TMX4: variants seen among roughly 807,000 people sequenced by gnomAD.
TMX4 encodes the protein thioredoxin related transmembrane protein 4, also known as thioredoxin-related transmembrane protein 4.
In TMX4, 23 loss-of-function variants were observed where a neutral mutation model predicts 33.3. The ratio of observed to expected loss-of-function variants is 0.69; its 90% CI spans 0.50 to 0.98. TMX4 has a LOEUF of 0.98. TMX4 is among the 50% of genes least tolerant of loss of function. TMX4 has a pLI of 0.00. For synonymous variants in TMX4, 164 were observed against 161.5 expected (o/e 1.02, Z -0.12); for missense variants, 399 against 448.9 (o/e 0.89, Z 1.01).
rs2050600783 is a variant in TMX4, at chr20:7,980,541, G to GC, written c.*1709dup. On this transcript the variant is annotated 3_prime_UTR_variant, in exon 8 of 8. Transcript: ENST00000246024. ...CAGTGACTAAGGGGGCAGGAAACAG[G>GC]CAGGCACATGGCAAGGTTCTCCCAG... The GC allele has an allele frequency of 6.6e-6, 1 of 152,388 alleles. No homozygotes were observed. Among genetic ancestry groups the GC allele is most frequent in the Non-Finnish European group, 1.5e-5 (1 of 68,236 alleles). The allele number at this position is 152,388 out of a possible 1,614,324, so 9.4% of individuals were successfully genotyped here. A position where few individuals can be genotyped will look rare whatever the true frequency, so the allele number is the denominator to read the frequency against.
At chr20:8,003,343 GT>G (rs1410231693) in intron 2 of TMX4, among the ~76,000 whole-genome samples, 5 of 151,884 alleles carry the variant, frequency 3.3e-5, no homozygotes, top group Admixed American at 1.3e-4. Context: ...ACCTCTTAAA[GT>G]TTTTTACTTA....
At position 7,981,918 on chromosome 20, in the gene TMX4, G is replaced by A. The variant is rs1270283722; in HGVS notation, c.*333C>T. The A allele has an allele frequency of 9.3e-6, 2 of 214,238 alleles. No homozygotes were observed. The highest frequency in any genetic ancestry group is 1.8e-5 in the Non-Finnish European group (2 of 108,316). 13.3% of individuals were successfully genotyped at this position (214,238 alleles called of 1,614,324 possible). A position where few individuals can be genotyped will look rare whatever the true frequency, so the allele number is the denominator to read the frequency against. On this transcript the variant is annotated 3_prime_UTR_variant, in exon 8 of 8. Coordinates refer to ENST00000246024, the MANE Select transcript of TMX4 (RefSeq NM_021156.4). ...TCCTGCTTGGCTTTCATTTCACAGG[G>A]CCTGCAGCCTTGTCTCTGGAAGGTG...
intron 1 of TMX4, among the ~76,000 whole-genome samples, chr20:8,016,911 T>G (rs181816250): frequency 1.3e-5 from 2 of 152,328 alleles, no homozygotes; most frequent in Admixed American, 6.5e-5. Context: ...TTTCCATTTA[T>G]GTATGACCAG....
At chr20:8,009,777 T>C (rs1448580159) in intron 2 of TMX4, among the ~76,000 whole-genome samples, 1 of 149,020 alleles carries the variant, frequency 6.7e-6, no homozygotes, top group African/African-American at 2.5e-5. Flanking sequence ...AAATGAGGGA[T>C]AATTGTTGAT....
intron 4 of TMX4, 130 bp downstream of exon 4, chr20:7,999,602 A>C: frequency 2.9e-6 from 3 of 1,029,494 alleles, no homozygotes; most frequent in Non-Finnish European, 4.1e-6. Context: ...TGGGCTAAGC[A>C]TGGCCATGAG....
chr20:8,018,980 G>T, intron 1 of TMX4: 1 of 444,788 alleles, frequency 2.2e-6, no homozygotes, highest in South Asian at 1.6e-5. Context: ...CCTGTGCTAC[G>T]TATTCATACT....
intron 1 of TMX4, among the ~76,000 whole-genome samples, chr20:8,013,518 C>A (rs1270216855): frequency 6.6e-6 from 1 of 152,128 alleles, no homozygotes; most frequent in Non-Finnish European, 1.5e-5. Flanking sequence ...TGTTTTTAAC[C>A]ATTTCTGGGA....
chr20:8,009,055 C>T (rs1322058925), intron 2 of TMX4, among the ~76,000 whole-genome samples: 7 of 152,118 alleles, frequency 4.6e-5, no homozygotes, highest in Non-Finnish European at 8.8e-5. Context: ...CTATACCCAT[C>T]TTCTTTTTGC....
chr20:7,977,359 C>T lies in TMX4; in HGVS notation c.*4892G>A, dbSNP rs1484849439. 2 of 152,088 alleles carry T rather than the reference C, an allele frequency of 1.3e-5. No individual in the cohort carries two copies. Among genetic ancestry groups the T allele is most frequent in the Non-Finnish European group, 2.9e-5 (2 of 68,026 alleles). The allele number at this position is 152,088 out of a possible 1,614,324, so 9.4% of individuals were successfully genotyped here. On this transcript the variant is annotated 3_prime_UTR_variant, in exon 8 of 8. Coordinates refer to ENST00000246024, the MANE Select transcript of TMX4 (RefSeq NM_021156.4). ...GAACAGACTAGATGGAGGATGGACA[C>T]GAAGGAAAATTTTTTTTAACAAATT...
intron 4 of TMX4, among the ~76,000 whole-genome samples, chr20:7,999,241 AC>A (rs1474899427): frequency 6.6e-6 from 1 of 152,180 alleles, no homozygotes; most frequent in Non-Finnish European, 1.5e-5. Flanking sequence ...AATCTACCTC[AC>A]CAAGTATTAT....
intron 2 of TMX4, among the ~76,000 whole-genome samples, chr20:8,003,620 A>G (rs896468611): frequency 5.3e-5 from 8 of 152,172 alleles, no homozygotes; most frequent in Non-Finnish European, 7.4e-5. Flanking sequence ...TATCTTTACA[A>G]ATAAATGTAC....
intron 5 of TMX4, among the ~76,000 whole-genome samples, 186 bp downstream of exon 5, chr20:7,995,840 T>G (rs1477435448): frequency 1.3e-5 from 2 of 151,944 alleles, no homozygotes; most frequent in African/African-American, 4.8e-5. Context: ...AGGTTACTGT[T>G]CAGATTATGC....
rs1176858332 is a variant in TMX4, at chr20:7,979,305, A to T, written c.*2946T>A. The T allele has an allele frequency of 1.3e-5, 2 of 152,148 alleles. No individual in the cohort carries two copies. The highest frequency in any genetic ancestry group is 1.5e-5 in the Non-Finnish European group (1 of 68,030). 9.4% of individuals were successfully genotyped at this position (152,148 alleles called of 1,614,324 possible). Reference sequence around the variant, plus strand: ...TTAAATTAAATTTTGTTGGAAAAAAACCCATCTTTGCCATGATGTTAAAAA... The same window carrying T: ...TTAAATTAAATTTTGTTGGAAAAAATCCCATCTTTGCCATGATGTTAAAAA... On this transcript the variant is annotated 3_prime_UTR_variant, in exon 8 of 8. Transcript: ENST00000246024.
At chr20:7,985,277 A>ATATATATATAT (rs1436534553) in intron 6 of TMX4, among the ~76,000 whole-genome samples, 1 of 110,542 alleles carries the variant, frequency 9.0e-6, no homozygotes, top group Non-Finnish European at 1.7e-5. Flanking sequence ...ATATATATAT[A>ATATATATATAT]TTTTTTTTTT....
chr20:8,012,997 T>C (rs1378671316), intron 1 of TMX4, among the ~76,000 whole-genome samples: 1 of 152,130 alleles, frequency 6.6e-6, no homozygotes, highest in African/African-American at 2.4e-5. Flanking sequence ...GTTGCTGCAG[T>C]TTTTAAAGTT....
chr20:8,019,541 C>A lies in TMX4; in HGVS notation c.73G>T (p.Ala25Ser). 1 of 1,474,184 alleles carries A rather than the reference C, an allele frequency of 6.8e-7. No individual in the cohort carries two copies. The highest frequency in any genetic ancestry group is 9.0e-7 in the Non-Finnish European group (1 of 1,112,554). The allele number at this position is 1,474,184 out of a possible 1,614,324, so 91.3% of individuals were successfully genotyped here. A position where few individuals can be genotyped will look rare whatever the true frequency, so the allele number is the denominator to read the frequency against. The change falls in exon 1 of 8, where the codon GCA (alanine) becomes TCA (serine). Residue 25 changes from alanine (A) to serine (S), a missense_variant. Coordinates refer to ENST00000246024, the MANE Select transcript of TMX4 (RefSeq NM_021156.4). ...AAWIAAVAAT[A>S]GPEEAALPPE... The stretch of plus-strand genomic sequence containing the variant: ...GGCAGCGCGGCCTCCTCGGGGCCTG[C>A]CGTCGCCGCCACAGCCGCGATCCAG...
In TMX4 at chr20:8,010,232, C is replaced by T. The variant is rs936808891; in HGVS notation, c.260G>A (p.Ser87Asn). 6.2e-7 allele frequency: 1 copy of T among 1,611,740 alleles called. No homozygotes were observed. The highest frequency in any genetic ancestry group is 1.1e-5 in the South Asian group (1 of 90,966). Residue 87 changes from serine (S) to asparagine (N), a missense_variant, in exon 2 of 8, where the codon AGT becomes AAT. Transcript: ENST00000246024. ...FAKNGEILQISVGKVDVIQEP... is the reference protein window; with the variant it reads ...FAKNGEILQINVGKVDVIQEP... ...TTGAATGACATCTACCTTCCCCACA[C>T]TGATCTGAAGTATTTCACCATTCTT... is the stretch of plus-strand genomic sequence containing the variant.
chr20:8,018,852 G>T, intron 1 of TMX4: 1 of 256,990 alleles, frequency 3.9e-6, no homozygotes, highest in Non-Finnish European at 7.7e-6. Flanking sequence ...AATTTAAAAG[G>T]CATCCATATT....
chr20:7,996,048 A>G lies in TMX4; in HGVS notation c.491T>C (p.Phe164Ser), dbSNP rs1040431073. 3.7e-6 allele frequency: 6 copies of G among 1,611,796 alleles called. No individual in the cohort carries two copies. Among genetic ancestry groups the G allele is most frequent in the Non-Finnish European group, 5.1e-6 (6 of 1,178,910 alleles). ...SLTMSGMAGLFSISGKIWHLH... is the reference protein window; with the variant it reads ...SLTMSGMAGLSSISGKIWHLH... ...TACCCATATCTTGCCAGAGATGCTA[A>G]AAAGACCAGCCATTCCAGACATCCT... The change falls in exon 5 of 8, where the codon TTT (phenylalanine) becomes TCT (serine). Residue 164 changes from phenylalanine (F) to serine (S), a missense_variant. Phe to Ser is a radical substitution (Grantham distance 155). Coordinates refer to ENST00000246024, the MANE Select transcript of TMX4 (RefSeq NM_021156.4).
Sources: allele counts gnomAD v4.1 joint callset (sites outside exome capture counted in the v4.1 genomes callset), GRCh38; gene constraint gnomAD v4.1.1; transcripts MANE v1.5; gene names NCBI Gene and HGNC (gene_info 2026-07-23, HGNC 2026-07-21).